The following FOXN3 variants were observed in gnomAD, a reference collection of about 807,000 sequenced individuals.
The protein encoded by FOXN3 is forkhead box protein N3.
A neutral mutation model predicts 38.4 loss-of-function variants in FOXN3; 7 were observed. That is an observed-to-expected ratio of 0.18 (90% CI 0.10 to 0.34). The LOEUF is 0.34. FOXN3 is among the 10% of genes least tolerant of loss of function. FOXN3 has a pLI of 1.00. For synonymous variants in FOXN3, 230 were observed against 242.2 expected, an observed-to-expected ratio of 0.95 and a Z score of 0.47; for missense variants, 456 against 613.4, an observed-to-expected ratio of 0.74 and a Z score of 2.71.
chr14:89,369,318 G>T (rs1313508490), intron 2 of FOXN3, among the ~76,000 whole-genome samples: 1 of 152,160 alleles, frequency 6.6e-6, no homozygotes, highest in Non-Finnish European at 1.5e-5. Context: ...ATCTTTAGTA[G>T]CAGTGATAGT....
intron 1 of FOXN3, among the ~76,000 whole-genome samples, chr14:89,536,623 A>C (rs1372028932): frequency 6.6e-6 from 1 of 152,132 alleles, no homozygotes; most frequent in Non-Finnish European, 1.5e-5. Context: ...TCTACTAAAA[A>C]TACAAAAATT....
At chr14:89,614,781 C>A (rs1408288339) in intron 1 of FOXN3, among the ~76,000 whole-genome samples, 2 of 152,202 alleles carry the variant, frequency 1.3e-5, no homozygotes, top group Non-Finnish European at 2.9e-5. Flanking sequence ...GCATAAGATT[C>A]TATTTGTTGC....
At chr14:89,560,354 C>A (rs945965639) in intron 1 of FOXN3, among the ~76,000 whole-genome samples, 6 of 152,148 alleles carry the variant, frequency 3.9e-5, no homozygotes, top group African/African-American at 1.4e-4. Context: ...GGCCAGGCTG[C>A]GGCCATGTAC....
At position 89,455,387 on chromosome 14, in the gene FOXN3, C is replaced by A. The variant is rs188888785; in HGVS notation, c.-14-42897G>T. On this transcript the variant is annotated intron_variant, in intron 1 of 6. Coordinates refer to the FOXN3 transcript ENST00000345097. Reference sequence around the variant, plus strand: ...CAAATACATTTTAGGTTCTCAGCTGCAGAAATGAATGCTGTCATTCGGGGG... The same window carrying A: ...CAAATACATTTTAGGTTCTCAGCTGAAGAAATGAATGCTGTCATTCGGGGG... Among the ~76,000 whole-genome samples the A allele has an allele frequency of 4.0e-3, 604 of 152,304 alleles. 5 individuals carry two copies. The highest frequency in any genetic ancestry group is 0.014 in the African/African-American group (579 of 41,564).
chr14:89,510,744 C>A (rs1194819529), intron 1 of FOXN3, among the ~76,000 whole-genome samples: 1 of 152,142 alleles, frequency 6.6e-6, no homozygotes, highest in African/African-American at 2.4e-5. Context: ...GAGTTCAAGA[C>A]CACCCTGGCC....
At chr14:89,401,664 C>G in intron 2 of FOXN3, 3 of 455,956 alleles carry the variant, frequency 6.6e-6, no homozygotes, top group South Asian at 4.6e-5. Context: ...GCTCACATGA[C>G]TTGGCCTTCT....
Position 89,412,687 on chromosome 14 carries a change from T to C in FOXN3, c.-14-197A>G, listed in dbSNP as rs1229918523. ...CAGAGAGATAGGCTGATGAGAAAAATCAGCCCGCCATTCATATAGCAAGGT... is the reference window on the plus strand; with the variant it reads ...CAGAGAGATAGGCTGATGAGAAAAACCAGCCCGCCATTCATATAGCAAGGT... On this transcript the variant is annotated intron_variant, in intron 1 of 5. Coordinates refer to ENST00000557258, the MANE Select transcript of FOXN3 (RefSeq NM_005197.4). This position sits in a 1 kb window ranked among gnomAD's most constrained non-coding sequence, Gnocchi z 4.7. 6.6e-6 allele frequency among the ~76,000 whole-genome samples: 1 copy of C among 151,416 alleles called. No individual in the cohort carries two copies. The highest frequency in any genetic ancestry group is 1.5e-5 in the Non-Finnish European group (1 of 67,884).
intron 4 of FOXN3, among the ~76,000 whole-genome samples, chr14:89,269,669 C>T (rs1430329765): frequency 6.6e-6 from 1 of 152,068 alleles, no homozygotes; most frequent in Non-Finnish European, 1.5e-5. Flanking sequence ...GCCCCTTCAA[C>T]TGGGCCTGAG....
chr14:89,495,743 T>C (rs1422200520), intron 1 of FOXN3, among the ~76,000 whole-genome samples: 5 of 152,230 alleles, frequency 3.3e-5, no homozygotes, highest in Non-Finnish European at 7.3e-5. Context: ...CATTTTGACA[T>C]AGGTTATTTC....
chr14:89,254,933 A>T (rs1000066784), intron 4 of FOXN3, among the ~76,000 whole-genome samples: 1 of 152,178 alleles, frequency 6.6e-6, no homozygotes, highest in Non-Finnish European at 1.5e-5. Context: ...CTTAGCAGAG[A>T]TCTGCAGGAA....
At chr14:89,295,364 C>T (rs1295765215) in intron 3 of FOXN3, among the ~76,000 whole-genome samples, 1 of 152,194 alleles carries the variant, frequency 6.6e-6, no homozygotes, top group Admixed American at 6.5e-5. Context: ...AGTGTCTTCC[C>T]ATTCTAACGC....
chr14:89,359,370 C>T (rs1324081901), intron 2 of FOXN3, among the ~76,000 whole-genome samples: 1 of 152,034 alleles, frequency 6.6e-6, no homozygotes, highest in Non-Finnish European at 1.5e-5. Flanking sequence ...GCCAGCTTTC[C>T]TTGACACTGA....
chr14:89,325,095 T>C (rs1285923290), intron 3 of FOXN3, among the ~76,000 whole-genome samples: 1 of 152,160 alleles, frequency 6.6e-6, no homozygotes, highest in East Asian at 1.9e-4. Flanking sequence ...ACAAGCCACA[T>C]GTGGCTAGTG....
At position 89,484,225 on chromosome 14, in the gene FOXN3, G is replaced by A. The variant is rs750182325; in HGVS notation, c.-14-71735C>T. On this transcript the variant is annotated intron_variant, in intron 1 of 6. Coordinates refer to the FOXN3 transcript ENST00000345097. The surrounding 1 kb of genome is among the most constrained non-coding windows in gnomAD (Gnocchi z 4.0). ...CATCCTTTCAACCTATTTTCTTAATGGGGAGAAAGCTCCACACATCAAATT... is the reference window on the plus strand; with the variant it reads ...CATCCTTTCAACCTATTTTCTTAATAGGGAGAAAGCTCCACACATCAAATT... Among the ~76,000 whole-genome samples, 4 of 152,124 alleles carry A rather than the reference G, an allele frequency of 2.6e-5. No homozygotes were observed. Among genetic ancestry groups the A allele is most frequent in the Non-Finnish European group, 5.9e-5 (4 of 68,030 alleles).
rs1491163299 is a variant in FOXN3 at position 89,511,236 on chromosome 14, C to CTTTTTCTTT, written c.-14-98747_-14-98746insAAAGAAAAA. Reference sequence around the variant, plus strand: ...CTTTCTTTCTTTCTTTCTTTTCTTTCCTTTTCTTTCTTTTCTTTCTTTCTT... The same window carrying CTTTTTCTTT: ...CTTTCTTTCTTTCTTTCTTTTCTTTCTTTTTCTTTCTTTTCTTTCTTTTCTTTCTTTCTT... On this transcript the variant is annotated intron_variant, in intron 1 of 6. Coordinates refer to the FOXN3 transcript ENST00000345097. 1.7e-3 allele frequency among the ~76,000 whole-genome samples: 18 copies of CTTTTTCTTT among 10,404 alleles called. 4 individuals carry two copies. Among genetic ancestry groups the CTTTTTCTTT allele is most frequent in the Admixed American group, 4.4e-3 (2 of 450 alleles). 6.8% of individuals were successfully genotyped at this position (10,404 alleles called of 152,430 possible). A position where few individuals can be genotyped will look rare whatever the true frequency, so the allele number is the denominator to read the frequency against.
intron 3 of FOXN3, among the ~76,000 whole-genome samples, chr14:89,305,539 A>ATCTT (rs1266508120): frequency 6.6e-6 from 1 of 152,320 alleles, no homozygotes; most frequent in East Asian, 1.9e-4. Context: ...ATACTGCTGT[A>ATCTT]TCTTTAACTA....
At chr14:89,234,864 G>C (rs75075269) in intron 4 of FOXN3, among the ~76,000 whole-genome samples, 4,784 of 152,112 alleles carry the variant, frequency 0.031, 97 homozygotes, top group African/African-American at 0.052. Context: ...CCTAGCCCTC[G>C]TTGCCAGCAG....
intron 1 of FOXN3, among the ~76,000 whole-genome samples, chr14:89,413,546 C>A (rs775722356): frequency 6.6e-6 from 1 of 151,794 alleles, no homozygotes; most frequent in Non-Finnish European, 1.5e-5. Flanking sequence ...AGTGGGAGGA[C>A]TGCTTGAACC....
chr14:89,292,274 C>A (rs918137237), intron 3 of FOXN3, among the ~76,000 whole-genome samples: 2 of 152,166 alleles, frequency 1.3e-5, no homozygotes, highest in African/African-American at 4.8e-5. Context: ...TTAGCCATCG[C>A]CACACATAAA....
Sources: gnomAD v4.1 joint callset for allele counts (sites outside exome capture counted in the v4.1 genomes callset) on GRCh38, gnomAD v4.1.1 for gene constraint, Gnocchi (gnomAD v3.1) non-coding constraint, MANE v1.5 for transcripts, NCBI Gene and HGNC (gene_info 2026-07-23, HGNC 2026-07-21) for gene names.